The following LHFPL3 variants were observed in gnomAD, a reference collection of about 807,000 sequenced individuals.
The protein encoded by LHFPL3 is LHFPL tetraspan subfamily member 3.
A neutral mutation model predicts 19.3 loss-of-function variants in LHFPL3; 5 were observed. That is an observed-to-expected ratio of 0.26 (90% CI 0.14 to 0.54). The LOEUF is 0.54. Ranked by LOEUF, LHFPL3 falls within the 20% of genes least tolerant of loss-of-function variation. The pLI, the probability that LHFPL3 is intolerant of heterozygous loss-of-function variation, is 0.94. For missense variants in LHFPL3, 249 were observed against 307.4 expected (o/e 0.81, Z 1.42); for synonymous variants, 133 against 126.2 (o/e 1.05, Z -0.36).
chr7:104,420,714 C>T (rs947632895), intron 1 of LHFPL3, among the ~76,000 whole-genome samples: 4 of 152,154 alleles, frequency 2.6e-5, no homozygotes, highest in South Asian at 2.1e-4. Flanking sequence ...CGCCCGCCAC[C>T]ATGCCCGGCT....
At chr7:104,417,213 T>C (rs968150531) in intron 1 of LHFPL3, among the ~76,000 whole-genome samples, 1 of 152,256 alleles carries the variant, frequency 6.6e-6, no homozygotes, top group Non-Finnish European at 1.5e-5. Flanking sequence ...TTTGTGTGCC[T>C]GTAAGCTTCT....
At chr7:104,561,476 T>C (rs998855414) in intron 1 of LHFPL3, among the ~76,000 whole-genome samples, 2 of 150,344 alleles carry the variant, frequency 1.3e-5, no homozygotes, top group African/African-American at 5.0e-5. Flanking sequence ...TGGTTTAAAG[T>C]CTGTTTTATC....
chr7:104,522,603 G>A (rs751126115), intron 1 of LHFPL3, among the ~76,000 whole-genome samples: 11 of 152,088 alleles, frequency 7.2e-5, no homozygotes, highest in Non-Finnish European at 1.3e-4. Flanking sequence ...ATTTTATGTG[G>A]CAGAAGATAT....
At chr7:104,354,884 A>G (rs143956825) in intron 1 of LHFPL3, among the ~76,000 whole-genome samples, 154 of 152,332 alleles carry the variant, frequency 1.0e-3, no homozygotes, top group African/African-American at 3.5e-3. Context: ...TAATTTCTAC[A>G]TATAGTCAAC....
intron 1 of LHFPL3, among the ~76,000 whole-genome samples, chr7:104,525,849 C>T (rs1794178303): frequency 6.6e-6 from 1 of 152,102 alleles, no homozygotes; most frequent in Non-Finnish European, 1.5e-5. Context: ...TCGTAATTCA[C>T]CTGCCTTGGC....
chr7:104,665,859 G>A (rs1389162231), intron 1 of LHFPL3, among the ~76,000 whole-genome samples: 1 of 152,196 alleles, frequency 6.6e-6, no homozygotes, highest in East Asian at 1.9e-4. Context: ...AAGACTCTCT[G>A]ACTTCGACAG....
At chr7:104,490,460 C>T (rs76111744) in intron 1 of LHFPL3, among the ~76,000 whole-genome samples, 3,069 of 152,182 alleles carry the variant, frequency 0.02, 81 homozygotes, top group East Asian at 0.054. Flanking sequence ...CCAAAGGGTA[C>T]AGCAAATGCA....
intron 1 of LHFPL3, among the ~76,000 whole-genome samples, chr7:104,591,670 A>G (rs1790726273): frequency 6.6e-6 from 1 of 152,080 alleles, no homozygotes; most frequent in Non-Finnish European, 1.5e-5. Flanking sequence ...CTGCCTTGCT[A>G]GGTTGGGGAA....
At chr7:104,894,946 C>G (rs1255701754) in intron 2 of LHFPL3, 1 of 152,316 alleles carries the variant, frequency 6.6e-6, no homozygotes, top group Middle Eastern at 3.4e-3. Context: ...CTTGAGTGTA[C>G]ATGAGAATCA....
chr7:104,659,911 C>T (rs1792192443), intron 1 of LHFPL3, among the ~76,000 whole-genome samples: 1 of 152,066 alleles, frequency 6.6e-6, no homozygotes, highest in Admixed American at 6.5e-5. Flanking sequence ...CCCAGTGGCC[C>T]CTGGAGAAAG....
At chr7:104,398,604 T>G (rs902417037) in intron 1 of LHFPL3, among the ~76,000 whole-genome samples, 3 of 152,196 alleles carry the variant, frequency 2.0e-5, no homozygotes, top group Non-Finnish European at 4.4e-5. Flanking sequence ...CCATCCTACA[T>G]TTCTTATCCT....
intron 1 of LHFPL3, among the ~76,000 whole-genome samples, chr7:104,343,986 T>C (rs1790014197): frequency 6.6e-6 from 1 of 152,212 alleles, no homozygotes; most frequent in Admixed American, 6.5e-5. Flanking sequence ...GAATGACATA[T>C]ACTATAGATT....
intron 2 of LHFPL3, among the ~76,000 whole-genome samples, chr7:104,773,559 A>G (rs1240336120): frequency 6.6e-6 from 1 of 152,218 alleles, no homozygotes; most frequent in East Asian, 1.9e-4. Context: ...CCTAAAATTC[A>G]TATGTTGAAG....
At chr7:104,788,128 GA>G (rs1562793620) in intron 2 of LHFPL3, among the ~76,000 whole-genome samples, 2 of 152,140 alleles carry the variant, frequency 1.3e-5, no homozygotes. Flanking sequence ...ACGCGTGGGG[GA>G]AAACATAATT....
chr7:104,480,622 T>C (rs1793115965), intron 1 of LHFPL3, among the ~76,000 whole-genome samples: 1 of 152,196 alleles, frequency 6.6e-6, no homozygotes, highest in East Asian at 1.9e-4. Context: ...TGTTGTAAGC[T>C]GCTTTGAATC....
intron 1 of LHFPL3, among the ~76,000 whole-genome samples, chr7:104,390,921 T>A (rs1431927050): frequency 1.3e-5 from 2 of 152,254 alleles, no homozygotes; most frequent in African/African-American, 2.4e-5. Context: ...GATTTGCATT[T>A]CTCTGATGGC....
chr7:104,392,913 TG>T (rs1236365878), intron 1 of LHFPL3, among the ~76,000 whole-genome samples: 1 of 152,188 alleles, frequency 6.6e-6, no homozygotes, highest in Non-Finnish European at 1.5e-5. Flanking sequence ...GGTTTAGTCT[TG>T]GGAGAGTGTA....
chr7:104,352,522 C>T (rs1790198672), intron 1 of LHFPL3, among the ~76,000 whole-genome samples: 1 of 152,146 alleles, frequency 6.6e-6, no homozygotes, highest in Non-Finnish European at 1.5e-5. Context: ...ATCTTCCAGC[C>T]CCAACCCTGT....
intron 1 of LHFPL3, among the ~76,000 whole-genome samples, chr7:104,346,865 A>G (rs1790076809): frequency 6.7e-6 from 1 of 150,290 alleles, no homozygotes; most frequent in Non-Finnish European, 1.5e-5. Flanking sequence ...AGTTTTCTTC[A>G]TAAGATTGGA....
Sources: allele counts gnomAD v4.1 joint callset (sites outside exome capture counted in the v4.1 genomes callset), GRCh38; gene constraint gnomAD v4.1.1; transcripts MANE v1.5; gene names NCBI Gene and HGNC (gene_info 2026-07-23, HGNC 2026-07-21).